Variants in YWHAQ observed in about 807,000 individuals in gnomAD.
YWHAQ encodes the protein tyrosine 3-monooxygenase/tryptophan 5-monooxygenase activation protein theta, also known as 14-3-3 protein theta.
Under a neutral mutation model 28.3 loss-of-function variants are expected in YWHAQ, and 6 were observed. That is an observed-to-expected ratio of 0.21 (90% CI 0.12 to 0.42). The LOEUF is 0.42. YWHAQ is among the 10% of genes least tolerant of loss of function. YWHAQ has a pLI of 1.00. For synonymous variants in YWHAQ, 143 were observed against 119.1 expected, an observed-to-expected ratio of 1.20 and a Z score of -1.31; for missense variants, 201 against 305.6, an observed-to-expected ratio of 0.66 and a Z score of 2.55.
intron 2 of YWHAQ, among the ~76,000 whole-genome samples, chr2:9,624,596 C>A (rs537847516): frequency 5.4e-4 from 82 of 152,102 alleles, no homozygotes; most frequent in Non-Finnish European, 1.0e-3. Context: ...GGCCTCTCTA[C>A]CCACTAGACG....
At chr2:9,627,727 C>T (rs576344584) in intron 2 of YWHAQ, among the ~76,000 whole-genome samples, 60 of 152,266 alleles carry the variant, frequency 3.9e-4, no homozygotes, top group African/African-American at 1.4e-3. Context: ...ACCCCCCTTA[C>T]TCCAATCTTC....
At chr2:9,607,429 G>C (rs1403654368) in intron 2 of YWHAQ, among the ~76,000 whole-genome samples, 1 of 148,768 alleles carries the variant, frequency 6.7e-6, no homozygotes, top group Admixed American at 6.7e-5. Flanking sequence ...GGCTAATCTC[G>C]AACTCCTGAC....
chr2:9,612,473 G>A (rs1384822906), intron 2 of YWHAQ, among the ~76,000 whole-genome samples: 1 of 152,162 alleles, frequency 6.6e-6, no homozygotes, highest in South Asian at 2.1e-4. Flanking sequence ...CACCACAGCA[G>A]GGTGAGAAAT....
intron 2 of YWHAQ, among the ~76,000 whole-genome samples, chr2:9,621,968 C>G (rs562818740): frequency 2.6e-5 from 4 of 152,094 alleles, no homozygotes; most frequent in Non-Finnish European, 5.9e-5. Flanking sequence ...TTTTCACTTA[C>G]AAGTGGGAGT....
chr2:9,593,812 A>G (rs886088232), intron 2 of YWHAQ, among the ~76,000 whole-genome samples: 8 of 151,740 alleles, frequency 5.3e-5, no homozygotes, highest in African/African-American at 1.9e-4. Flanking sequence ...TGGGAGACAG[A>G]GCAAAAGAGA....
chr2:9,599,566 A>G (rs188726571), intron 2 of YWHAQ, among the ~76,000 whole-genome samples: 2 of 152,248 alleles, frequency 1.3e-5, no homozygotes, highest in Admixed American at 1.3e-4. Context: ...TGCTAAATCT[A>G]CTCTGCCTGC....
chr2:9,602,840 AAAAAAAAAAAAAAAAAAAAAAAAT>A (rs1317482201), intron 2 of YWHAQ, among the ~76,000 whole-genome samples: 28 of 24,564 alleles, frequency 1.1e-3, no homozygotes, highest in African/African-American at 2.9e-3. Flanking sequence ...AAAAAAAAAA[AAAAAAAAAAAAAAAAAAAAAAAAT>A]ATATATATAT....
At chr2:9,618,167 GAATT>G (rs1434045468) in intron 2 of YWHAQ, among the ~76,000 whole-genome samples, 1 of 152,022 alleles carries the variant, frequency 6.6e-6, no homozygotes, top group African/African-American at 2.4e-5. Flanking sequence ...AAACGTTCTG[GAATT>G]AATAATGATG....
At chr2:9,591,850 G>C (rs897447989) in intron 2 of YWHAQ, among the ~76,000 whole-genome samples, 2 of 152,214 alleles carry the variant, frequency 1.3e-5, no homozygotes, top group Non-Finnish European at 2.9e-5. Flanking sequence ...AACGGATATA[G>C]AGAAGACTTA....
chr2:9,630,666 C>G lies in YWHAQ; in HGVS notation c.-82-132G>C, dbSNP rs867319862. On this transcript the variant is annotated intron_variant, in intron 1 of 5. Coordinates refer to ENST00000238081, the MANE Select transcript of YWHAQ (RefSeq NM_006826.4). The surrounding 1 kb of genome is among the most constrained non-coding windows in gnomAD (Gnocchi z 5.6). ...AATTTCCCTCTCCCCCGCCCCCTCC[C>G]CCGCTGGGCACCCGGGGAGGCCGCG... The G allele has an allele frequency of 4.9e-6, 2 of 404,520 alleles. No individual in the cohort carries two copies. Among genetic ancestry groups the G allele is most frequent in the Non-Finnish European group, 8.6e-6 (2 of 232,944 alleles). The allele number at this position is 404,520 out of a possible 1,614,324, so 25.1% of individuals were successfully genotyped here. A position where few individuals can be genotyped will look rare whatever the true frequency, so the allele number is the denominator to read the frequency against.
At chr2:9,596,012 G>C (rs545033045) in intron 2 of YWHAQ, among the ~76,000 whole-genome samples, 3 of 152,126 alleles carry the variant, frequency 2.0e-5, no homozygotes, top group African/African-American at 7.2e-5. Context: ...AAAGAAACAA[G>C]GAAAGTGAAA....
chr2:9,587,276 T>C (rs1211043570), intron 5 of YWHAQ, 138 bp downstream of exon 5: 3 of 694,068 alleles, frequency 4.3e-6, no homozygotes, highest in Non-Finnish European at 6.8e-6. Context: ...CAAAATAATG[T>C]TCGTCCCATA....
chr2:9,585,215 C>T lies in YWHAQ; in HGVS notation c.*71G>A. 2 of 1,555,606 alleles carry T rather than the reference C, an allele frequency of 1.3e-6. No individual in the cohort carries two copies. Among genetic ancestry groups the T allele is most frequent in the East Asian group, 2.2e-5 (1 of 44,528 alleles). On this transcript the variant is annotated 3_prime_UTR_variant, in exon 6 of 6. Coordinates refer to ENST00000238081, the MANE Select transcript of YWHAQ (RefSeq NM_006826.4). ...ATGGGTTTCTTTGCTATAGGAAATC[C>T]AAGTGGAATAAGGAATGGAGATGTG... is the stretch of plus-strand genomic sequence containing the variant.
intron 2 of YWHAQ, among the ~76,000 whole-genome samples, chr2:9,607,196 C>CT (rs140196257): frequency 4.3e-5 from 6 of 139,694 alleles, no homozygotes; most frequent in African/African-American, 8.3e-5. Flanking sequence ...TTTTCTATTA[C>CT]TTTTTTTTTT....
At chr2:9,593,905 A>AATATAT (rs199757991) in intron 2 of YWHAQ, among the ~76,000 whole-genome samples, 99 of 127,636 alleles carry the variant, frequency 7.8e-4, no homozygotes, top group Admixed American at 4.7e-3. Context: ...GATTAAAAAA[A>AATATAT]ATATATATAT....
intron 2 of YWHAQ, among the ~76,000 whole-genome samples, chr2:9,609,551 G>A (rs1666904288): frequency 6.6e-6 from 1 of 151,848 alleles, no homozygotes; most frequent in Non-Finnish European, 1.5e-5. Flanking sequence ...TAAATACCTT[G>A]AGATAGGAAA....
intron 2 of YWHAQ, among the ~76,000 whole-genome samples, chr2:9,622,538 C>T (rs1201225686): frequency 4.6e-5 from 7 of 152,118 alleles, no homozygotes; most frequent in African/African-American, 1.4e-4. Flanking sequence ...TACCTATGCG[C>T]CTTGGCCCCA....
chr2:9,590,995 G>GTTCT (rs1666444846), intron 3 of YWHAQ, among the ~76,000 whole-genome samples: 1 of 152,164 alleles, frequency 6.6e-6, no homozygotes, highest in Admixed American at 6.5e-5. Flanking sequence ...CTGTTTCCAC[G>GTTCT]TTCTGTATGT....
intron 2 of YWHAQ, among the ~76,000 whole-genome samples, chr2:9,606,135 C>T (rs1666823361): frequency 6.6e-6 from 1 of 152,166 alleles, no homozygotes; most frequent in Non-Finnish European, 1.5e-5. Flanking sequence ...AACTATGCAC[C>T]AAATGTACAC....
Sources: allele counts gnomAD v4.1 joint callset (sites outside exome capture counted in the v4.1 genomes callset), GRCh38; gene constraint gnomAD v4.1.1; non-coding constraint Gnocchi (gnomAD v3.1); transcripts MANE v1.5; gene names NCBI Gene and HGNC (gene_info 2026-07-23, HGNC 2026-07-21).